MEGF10: variants seen among roughly 807,000 people sequenced by gnomAD.
MEGF10 encodes the protein multiple EGF like domains 10, also known as multiple epidermal growth factor-like domains protein 10.
In MEGF10, 86 loss-of-function variants were observed where a neutral mutation model predicts 147.5. That is an observed-to-expected ratio of 0.58 (90% CI 0.49 to 0.70). MEGF10 has a LOEUF of 0.70. Among genes scored for constraint, MEGF10 ranks in the 30% least tolerant of loss-of-function variants. The pLI is 0.00. For missense variants in MEGF10, 1,329 were observed against 1,487.3 expected (o/e 0.89, Z 1.75); for synonymous variants, 478 against 525.5 (o/e 0.91, Z 1.24).
At chr5:127,245,489 C>CA in the MEGF10 span, among the ~76,000 whole-genome samples, 2 of 151,894 alleles carry the variant, frequency 1.3e-5, no homozygotes, top group African/African-American at 4.8e-5. Flanking sequence ...ACATAAGACC[C>CA]AAAACCATAA....
intron 5 of MEGF10, among the ~76,000 whole-genome samples, chr5:127,392,644 A>AAAAT (rs1281313363): frequency 2.6e-5 from 4 of 152,214 alleles, no homozygotes; most frequent in Admixed American, 6.5e-5. Context: ...AGGTACTTAA[A>AAAAT]AAATATCACT....
intron 13 of MEGF10, chr5:127,424,507 G>A: frequency 6.9e-7 from 1 of 1,445,820 alleles, no homozygotes; most frequent in East Asian, 2.5e-5. Context: ...ATAAACATGG[G>A]ATGTCACCAG....
At chr5:127,276,227 G>C in the MEGF10 span, among the ~76,000 whole-genome samples, 45 of 152,304 alleles carry the variant, frequency 3.0e-4, no homozygotes, top group Admixed American at 2.9e-3. Context: ...GTAAGGAAAG[G>C]CTCTGCCAGA....
intron 23 of MEGF10, among the ~76,000 whole-genome samples, chr5:127,454,889 G>A (rs556873117): frequency 7.9e-5 from 12 of 152,160 alleles, no homozygotes; most frequent in Admixed American, 4.6e-4. Context: ...ATGGGGAGAC[G>A]GAAACATATA....
At chr5:127,413,701 A>G (rs1386611619) in intron 9 of MEGF10, among the ~76,000 whole-genome samples, 1 of 152,222 alleles carries the variant, frequency 6.6e-6, no homozygotes, top group Non-Finnish European at 1.5e-5. Flanking sequence ...TTCTACAACA[A>G]CATGTAAATC....
the MEGF10 span, among the ~76,000 whole-genome samples, chr5:127,268,558 G>A: frequency 6.6e-6 from 1 of 152,210 alleles, no homozygotes; most frequent in Non-Finnish European, 1.5e-5. Context: ...CCCACCGTTG[G>A]TGAGGCTGGA....
chr5:127,370,982 T>C (rs1394489254), intron 5 of MEGF10, among the ~76,000 whole-genome samples: 2 of 152,326 alleles, frequency 1.3e-5, no homozygotes, highest in African/African-American at 4.8e-5. Flanking sequence ...TGAATGGACT[T>C]ATTTCAATAA....
At chr5:127,436,383 T>C (rs1034003351) in intron 16 of MEGF10, among the ~76,000 whole-genome samples, 15 of 152,190 alleles carry the variant, frequency 9.9e-5, no homozygotes, top group African/African-American at 3.6e-4. Context: ...CTGTACCCCA[T>C]TTTTTAGGAA....
intron 4 of MEGF10, among the ~76,000 whole-genome samples, chr5:127,367,840 G>A (rs1387453153): frequency 1.3e-5 from 2 of 152,106 alleles, no homozygotes; most frequent in East Asian, 1.9e-4. Flanking sequence ...AAACCCTCTC[G>A]TGTTGACATA....
At chr5:127,446,893 A>G (rs1671734644) in intron 20 of MEGF10, among the ~76,000 whole-genome samples, 1 of 152,204 alleles carries the variant, frequency 6.6e-6, no homozygotes, top group Non-Finnish European at 1.5e-5. Flanking sequence ...AAAGATAAAA[A>G]GCTGGGTTTT....
At chr5:127,351,728 C>T (rs1389115286) in intron 4 of MEGF10, among the ~76,000 whole-genome samples, 1 of 152,204 alleles carries the variant, frequency 6.6e-6, no homozygotes, top group African/African-American at 2.4e-5. Context: ...CATCTTTATT[C>T]TGCCACTCCT....
chr5:127,339,073 T>C (rs778642088), intron 2 of MEGF10, 47 bp from the exon 3 acceptor site: 1 of 1,292,146 alleles, frequency 7.7e-7, no homozygotes. Context: ...ATATTATTAA[T>C]TTAAAAAAGA....
chr5:127,369,543 T>A (rs569464133), intron 4 of MEGF10, among the ~76,000 whole-genome samples: 1 of 152,350 alleles, frequency 6.6e-6, no homozygotes, highest in East Asian at 1.9e-4. Context: ...GAGGCCCTGA[T>A]ATCTTGCTTT....
At chr5:127,292,152 T>C (rs747701502) in intron 1 of MEGF10, among the ~76,000 whole-genome samples, 2 of 152,190 alleles carry the variant, frequency 1.3e-5, no homozygotes, top group Non-Finnish European at 2.9e-5. Context: ...GAGGTCAGCT[T>C]GCAGGGAACT....
chr5:127,368,651 A>G (rs1762739614), intron 4 of MEGF10, among the ~76,000 whole-genome samples: 1 of 152,060 alleles, frequency 6.6e-6, no homozygotes, highest in Non-Finnish European at 1.5e-5. Flanking sequence ...TTCACCTAAA[A>G]TGCCCTCCCT....
At chr5:127,237,726 T>C in the MEGF10 span, among the ~76,000 whole-genome samples, 1 of 151,918 alleles carries the variant, frequency 6.6e-6, no homozygotes, top group African/African-American at 2.4e-5. Context: ...GGGCAGTAAT[T>C]TTAAGTCCTG....
the MEGF10 span, among the ~76,000 whole-genome samples, chr5:127,247,432 A>G: frequency 1.3e-3 from 135 of 104,236 alleles, 25 homozygotes; most frequent in Middle Eastern, 9.5e-3. Flanking sequence ...GAAGAAGAAG[A>G]AGAAGAAGAA....
At chr5:127,411,267 C>T (rs1314620588) in intron 9 of MEGF10, among the ~76,000 whole-genome samples, 2 of 152,166 alleles carry the variant, frequency 1.3e-5, no homozygotes, top group African/African-American at 2.4e-5. Flanking sequence ...TTCTTCTTTC[C>T]CTCCCCCAGG....
At chr5:127,450,916 G>A (rs960140110) in intron 22 of MEGF10, among the ~76,000 whole-genome samples, 1 of 151,996 alleles carries the variant, frequency 6.6e-6, no homozygotes, top group African/African-American at 2.4e-5. Flanking sequence ...GCACCACCAT[G>A]CCTGGCTGAT....
Sources: gnomAD v4.1 joint callset for allele counts (sites outside exome capture counted in the v4.1 genomes callset) on GRCh38, gnomAD v4.1.1 for gene constraint, MANE v1.5 for transcripts, NCBI Gene and HGNC (gene_info 2026-07-23, HGNC 2026-07-21) for gene names.